The following KCNIP4 variants were observed in gnomAD, a reference collection of about 807,000 sequenced individuals.
KCNIP4 encodes the protein Kv channel-interacting protein 4.
KCNIP4 carries 12 observed loss-of-function variants against 34.0 expected under a neutral mutation model. The observed-to-expected ratio is 0.35, with a 90% CI of 0.23 to 0.57. The LOEUF (loss-of-function observed/expected upper bound fraction) is 0.57. Ranked by LOEUF, KCNIP4 falls within the 20% of genes least tolerant of loss-of-function variation. KCNIP4 has a pLI of 0.83. For synonymous variants in KCNIP4, 124 were observed against 102.2 expected (o/e 1.21, Z -1.29); for missense variants, 238 against 311.7 (o/e 0.76, Z 1.78).
intron 1 of KCNIP4, among the ~76,000 whole-genome samples, chr4:21,432,592 G>A (rs1726589858): frequency 6.6e-6 from 1 of 152,126 alleles, no homozygotes. Context: ...AAAAAGACCA[G>A]TACCAAAGGC....
chr4:21,302,112 A>G (rs1230670722), intron 1 of KCNIP4, among the ~76,000 whole-genome samples: 1 of 152,232 alleles, frequency 6.6e-6, no homozygotes, highest in Non-Finnish European at 1.5e-5. Context: ...TGTAAAACGT[A>G]AAGTACAAGA....
chr4:21,860,064 G>A (rs116349614), intron 1 of KCNIP4, among the ~76,000 whole-genome samples: 2,047 of 152,180 alleles, frequency 0.013, 22 homozygotes, highest in South Asian at 0.027. Context: ...GATTCAAAAG[G>A]GTATTGAACC....
At chr4:21,467,073 A>AACACACAC (rs33937973) in intron 1 of KCNIP4, among the ~76,000 whole-genome samples, 3,150 of 139,614 alleles carry the variant, frequency 0.023, 55 homozygotes, top group East Asian at 0.047. Context: ...AACCAAAACA[A>AACACACAC]ACACACACAC....
chr4:20,899,036 C>T (rs949796311), intron 1 of KCNIP4, among the ~76,000 whole-genome samples: 5 of 152,174 alleles, frequency 3.3e-5, no homozygotes, highest in African/African-American at 1.2e-4. Context: ...TTTGTACATT[C>T]TTGGCAGTTA....
At chr4:21,043,505 T>C (rs1047261029) in intron 1 of KCNIP4, among the ~76,000 whole-genome samples, 3 of 151,646 alleles carry the variant, frequency 2.0e-5, no homozygotes, top group African/African-American at 7.3e-5. Flanking sequence ...AATTTTTTTT[T>C]TTTTTGTATT....
intron 1 of KCNIP4, among the ~76,000 whole-genome samples, chr4:21,683,465 T>A (rs1219065534): frequency 2.4e-4 from 4 of 16,450 alleles, no homozygotes; most frequent in African/African-American, 1.0e-3. Flanking sequence ...TTTTTTTTTT[T>A]TTTTTTTTTT....
chr4:20,732,147 G>A, intron 7 of KCNIP4, 79 bp from the exon 8 acceptor site: 2 of 968,596 alleles, frequency 2.1e-6, no homozygotes, highest in Non-Finnish European at 3.2e-6. Context: ...AGCTGAAGCT[G>A]ATAAAAAGAA....
At chr4:21,033,989 G>A (rs865972866) in intron 1 of KCNIP4, among the ~76,000 whole-genome samples, 4 of 152,014 alleles carry the variant, frequency 2.6e-5, no homozygotes, top group Admixed American at 6.6e-5. Flanking sequence ...TATTGCAAGT[G>A]TTATATACAC....
chr4:21,234,388 AAC>A (rs570148713), intron 1 of KCNIP4, among the ~76,000 whole-genome samples: 3,038 of 129,194 alleles, frequency 0.024, 881 homozygotes, highest in African/African-American at 0.091. Context: ...CATCATACAT[AAC>A]ATATATAATA....
At chr4:20,732,109 C>T (rs1335275526) in intron 7 of KCNIP4, 41 bp from the exon 8 acceptor site, 3 of 1,374,628 alleles carry the variant, frequency 2.2e-6, no homozygotes, top group East Asian at 2.3e-5. Context: ...AGACTTATCC[C>T]TTAATACCCT....
intron 1 of KCNIP4, among the ~76,000 whole-genome samples, chr4:21,223,906 A>T (rs1758166702): frequency 6.6e-6 from 1 of 151,094 alleles, no homozygotes; most frequent in Non-Finnish European, 1.5e-5. Flanking sequence ...TTAGCCGCCC[A>T]CTCCTTGCCC....
intron 1 of KCNIP4, among the ~76,000 whole-genome samples, chr4:21,712,798 T>C (rs569436145): frequency 7.2e-4 from 110 of 152,282 alleles, no homozygotes; most frequent in Non-Finnish European, 7.6e-4. Flanking sequence ...AAAAATCTGG[T>C]CATAGCAGCC....
intron 1 of KCNIP4, among the ~76,000 whole-genome samples, chr4:21,454,892 A>G (rs945252496): frequency 6.6e-6 from 1 of 152,072 alleles, no homozygotes; most frequent in Non-Finnish European, 1.5e-5. Context: ...GAATCCAAGA[A>G]ATATTTGGAC....
At chr4:21,247,759 T>TATATATATATACAC (rs1366204923) in intron 1 of KCNIP4, among the ~76,000 whole-genome samples, 6 of 120,012 alleles carry the variant, frequency 5.0e-5, no homozygotes, top group South Asian at 2.6e-4. Context: ...TATATATATA[T>TATATATATATACAC]ACACCCCACA....
chr4:21,273,216 G>A (rs932592575), intron 1 of KCNIP4, among the ~76,000 whole-genome samples: 3 of 151,976 alleles, frequency 2.0e-5, no homozygotes, highest in Non-Finnish European at 4.4e-5. Context: ...ACAATTCCTG[G>A]TCAATATAAG....
intron 1 of KCNIP4, among the ~76,000 whole-genome samples, chr4:21,351,145 G>A (rs983284668): frequency 2.6e-5 from 4 of 152,154 alleles, no homozygotes; most frequent in Non-Finnish European, 1.5e-5. Flanking sequence ...AAATTAAAAT[G>A]TAGTACCATC....
intron 1 of KCNIP4, among the ~76,000 whole-genome samples, chr4:21,608,580 T>A (rs752986451): frequency 6.6e-6 from 1 of 152,204 alleles, no homozygotes; most frequent in East Asian, 1.9e-4. Context: ...TGTGATTACA[T>A]TGGGGCCTCC....
intron 1 of KCNIP4, among the ~76,000 whole-genome samples, chr4:21,009,021 A>G (rs9631707): frequency 0.31 from 46,845 of 151,886 alleles, 7,717 homozygotes; most frequent in African/African-American, 0.43. Flanking sequence ...TAGAAAAAAA[A>G]TATCTTTCAC....
intron 1 of KCNIP4, among the ~76,000 whole-genome samples, chr4:21,250,341 T>C (rs1760613207): frequency 6.6e-6 from 1 of 152,154 alleles, no homozygotes; most frequent in African/African-American, 2.4e-5. Context: ...TCCTTACAGT[T>C]ACATAGCACA....
Sources: allele counts gnomAD v4.1 joint callset (sites outside exome capture counted in the v4.1 genomes callset), GRCh38; gene constraint gnomAD v4.1.1; transcripts MANE v1.5; gene names NCBI Gene and HGNC (gene_info 2026-07-23, HGNC 2026-07-21).